Variants in BCAS3 observed in about 807,000 individuals in gnomAD.
The protein encoded by BCAS3 is BCAS4/BCAS3 fusion.
A neutral mutation model predicts 116.1 loss-of-function variants in BCAS3; 53 were observed. That is an observed-to-expected ratio of 0.46 (90% CI 0.37 to 0.57). BCAS3 has a LOEUF of 0.57. BCAS3 is among the 20% of genes least tolerant of loss of function. The probability of loss-of-function intolerance (pLI) is 0.00; values close to 1 mark genes in which losing one functional copy is unlikely to be tolerated. For missense variants in BCAS3, 917 were observed against 1,165.4 expected, an observed-to-expected ratio of 0.79 and a Z score of 3.10; for synonymous variants, 391 against 408.2, an observed-to-expected ratio of 0.96 and a Z score of 0.51.
intron 6 of BCAS3, among the ~76,000 whole-genome samples, chr17:60,754,223 T>A (rs2042774306): frequency 6.6e-6 from 1 of 151,708 alleles, no homozygotes; most frequent in Non-Finnish European, 1.5e-5. Context: ...TTTCTTTCTC[T>A]GGGATAGAAT....
intron 3 of BCAS3, chr17:60,688,131 G>A (rs1362764585): frequency 1.3e-5 from 2 of 152,282 alleles, no homozygotes; most frequent in East Asian, 3.9e-4. Flanking sequence ...AAAGGAAGTT[G>A]TCCTAAATGC....
At chr17:61,264,139 T>C (rs987836509) in intron 22 of BCAS3, among the ~76,000 whole-genome samples, 11 of 151,932 alleles carry the variant, frequency 7.2e-5, no homozygotes, top group Non-Finnish European at 1.5e-4. Context: ...TATATATATA[T>C]AAAATTATAT....
rs776006180 is a variant in BCAS3, at chr17:60,709,458, C to G, written c.321+133C>G. On this transcript the variant is annotated intron_variant, in intron 5 of 23. Transcript: ENST00000407086. ...AGGCTGGAATGCAGTGGTGCGATCTCGGCTCACTGCAACCTCTGCCTCCCA... is the reference window on the plus strand; with the variant it reads ...AGGCTGGAATGCAGTGGTGCGATCTGGGCTCACTGCAACCTCTGCCTCCCA... The G allele has an allele frequency of 5.4e-6, 3 of 551,860 alleles. No individual in the cohort carries two copies. In the Admixed American group the frequency reaches 1.0e-4, roughly 18 times the overall value. The allele number at this position is 551,860 out of a possible 1,614,324, so 34.2% of individuals were successfully genotyped here. A position where few individuals can be genotyped will look rare whatever the true frequency, so the allele number is the denominator to read the frequency against.
intron 22 of BCAS3, among the ~76,000 whole-genome samples, chr17:61,322,850 G>C (rs1568850813): frequency 8.9e-5 from 13 of 146,472 alleles, no homozygotes; most frequent in South Asian, 2.1e-4. Flanking sequence ...GAGAGAGAGA[G>C]AGAGACAGAG....
intron 5 of BCAS3, among the ~76,000 whole-genome samples, chr17:60,726,572 C>T (rs986201767): frequency 2.1e-4 from 31 of 148,244 alleles, no homozygotes; most frequent in Middle Eastern, 3.7e-3. Context: ...TGCAATGGTG[C>T]GATCTCAGCT....
In BCAS3 at chr17:61,161,286, A is replaced by G. The variant is rs1404055973; in HGVS notation, c.2425+76722A>G. ...CATTTTGTTATAAATGTATAATTAC[A>G]GGAAATATGTGAAAAGTGTTAAATA... is the stretch of plus-strand genomic sequence containing the variant. On this transcript the variant is annotated intron_variant, in intron 22 of 23. Coordinates refer to ENST00000407086, the MANE Select transcript of BCAS3 (RefSeq NM_017679.5). This position sits in a 1 kb window ranked among gnomAD's most constrained non-coding sequence, Gnocchi z 4.8. 6.6e-6 allele frequency among the ~76,000 whole-genome samples: 1 copy of G among 152,244 alleles called. No homozygotes were observed. Among genetic ancestry groups the G allele is most frequent in the Admixed American group, 6.5e-5 (1 of 15,290 alleles).
chr17:60,710,855 G>T (rs571653621), intron 5 of BCAS3, among the ~76,000 whole-genome samples: 1 of 150,436 alleles, frequency 6.6e-6, no homozygotes, highest in Non-Finnish European at 1.5e-5. Context: ...CAGGCTCGAG[G>T]GCAGTGGCAT....
At chr17:61,182,794 T>C (rs1231811006) in intron 22 of BCAS3, among the ~76,000 whole-genome samples, 4 of 152,216 alleles carry the variant, frequency 2.6e-5, no homozygotes, top group Non-Finnish European at 5.9e-5. Context: ...TGGCCTAATG[T>C]TTTTGAGACT....
rs2077820368 is a variant in BCAS3, at chr17:61,156,136, C to T, written c.2425+71572C>T. Among the ~76,000 whole-genome samples the T allele has an allele frequency of 6.7e-6, 1 of 149,026 alleles. No individual in the cohort carries two copies. Among genetic ancestry groups the T allele is most frequent in the African/African-American group, 2.5e-5 (1 of 40,260 alleles). ...ACTCGGTATGCACCACAAACAAACG[C>T]AGAGAGACAGAGAAAGACAGTCAGC... On this transcript the variant is annotated intron_variant, in intron 22 of 23. Coordinates refer to ENST00000407086, the MANE Select transcript of BCAS3 (RefSeq NM_017679.5). This position sits in a 1 kb window ranked among gnomAD's most constrained non-coding sequence, Gnocchi z 4.7.
intron 6 of BCAS3, among the ~76,000 whole-genome samples, chr17:60,768,907 G>C (rs1036475332): frequency 2.0e-5 from 3 of 152,198 alleles, no homozygotes; most frequent in African/African-American, 4.8e-5. Context: ...CTGGACAGCT[G>C]GTATGAGTGG....
At chr17:61,184,132 A>G (rs2079631755) in intron 22 of BCAS3, among the ~76,000 whole-genome samples, 1 of 152,194 alleles carries the variant, frequency 6.6e-6, no homozygotes, top group Admixed American at 6.5e-5. Context: ...TGTCGTGACC[A>G]GGGTCTTGCA....
intron 6 of BCAS3, among the ~76,000 whole-genome samples, chr17:60,788,865 A>G (rs766816668): frequency 6.6e-6 from 1 of 152,210 alleles, no homozygotes; most frequent in Non-Finnish European, 1.5e-5. Context: ...CTAAAAATTT[A>G]CATATAAAAT....
In BCAS3 at chr17:61,343,436, G is replaced by A. The variant is rs147963436; in HGVS notation, c.2426-24891G>A. ...GCCATGGTTTATAGCAACAGGGAGT[G>A]CATCAGAATCACCTGATGAGCTTTT... On this transcript the variant is annotated intron_variant, in intron 22 of 23. Transcript: ENST00000407086. The surrounding 1 kb of genome is among the most constrained non-coding windows in gnomAD (Gnocchi z 5.5). 1.2e-3 allele frequency among the ~76,000 whole-genome samples: 179 copies of A among 152,358 alleles called. No individual in the cohort carries two copies. Among genetic ancestry groups the A allele is most frequent in the African/African-American group, 4.3e-3 (178 of 41,576 alleles).
intron 22 of BCAS3, among the ~76,000 whole-genome samples, chr17:61,166,387 CTCTCTTTTTTTTTTTT>C (rs765203328): frequency 3.9e-5 from 3 of 77,072 alleles, no homozygotes; most frequent in African/African-American, 1.3e-4. Flanking sequence ...CTCTCTCTCT[CTCTCTTTTTTTTTTTT>C]TTTTTTTTTT....
intron 6 of BCAS3, among the ~76,000 whole-genome samples, chr17:60,805,088 T>C (rs2048150215): frequency 6.6e-6 from 1 of 151,686 alleles, no homozygotes; most frequent in East Asian, 1.9e-4. Flanking sequence ...CACACAATTT[T>C]AAAGATATAT....
At chr17:60,872,678 A>G (rs1473908573) in intron 8 of BCAS3, among the ~76,000 whole-genome samples, 1 of 151,082 alleles carries the variant, frequency 6.6e-6, no homozygotes, top group Non-Finnish European at 1.5e-5. Flanking sequence ...ACACACATAC[A>G]CACACATACA....
chr17:60,872,559 A>AC (rs2144905975), intron 8 of BCAS3, among the ~76,000 whole-genome samples: 1 of 150,140 alleles, frequency 6.7e-6, no homozygotes, highest in Admixed American at 6.7e-5. Context: ...ATATACACAC[A>AC]CCCCCATATA....
chr17:61,351,328 A>G (rs138735105), intron 22 of BCAS3, among the ~76,000 whole-genome samples: 96 of 152,334 alleles, frequency 6.3e-4, no homozygotes, highest in Middle Eastern at 3.4e-3. Flanking sequence ...CAAGAAGCCA[A>G]ACAGCATGGG....
In BCAS3 at chr17:61,348,838, C is replaced by T. The variant is rs1156570520; in HGVS notation, c.2426-19489C>T. Among the ~76,000 whole-genome samples, 1 of 151,388 alleles carries T rather than the reference C, an allele frequency of 6.6e-6. No individual in the cohort carries two copies. Among genetic ancestry groups the T allele is most frequent in the Non-Finnish European group, 1.5e-5 (1 of 67,882 alleles). ...CATGATACCGGCTCACTGCAAGCTCCGCCTCCCAGGTTAATGCCATTCTCC... is the reference window on the plus strand; with the variant it reads ...CATGATACCGGCTCACTGCAAGCTCTGCCTCCCAGGTTAATGCCATTCTCC... On this transcript the variant is annotated intron_variant, in intron 22 of 23. Transcript: ENST00000407086. The surrounding 1 kb of genome is among the most constrained non-coding windows in gnomAD (Gnocchi z 4.5).
Sources: gnomAD v4.1 joint callset for allele counts (sites outside exome capture counted in the v4.1 genomes callset) on GRCh38, gnomAD v4.1.1 for gene constraint, Gnocchi (gnomAD v3.1) non-coding constraint, MANE v1.5 for transcripts, NCBI Gene and HGNC (gene_info 2026-07-23, HGNC 2026-07-21) for gene names.